RNASE4: variants seen among roughly 807,000 people sequenced by gnomAD.
The protein encoded by RNASE4 is ribonuclease 4.
For missense variants in RNASE4, 194 were observed against 192.8 expected, an observed-to-expected ratio of 1.01 and a Z score of -0.04; for synonymous variants, 93 against 71.4, an observed-to-expected ratio of 1.30 and a Z score of -1.52.
chr14:20,690,542 A>G, intron 1 of RNASE4, among the ~76,000 whole-genome samples: 1 of 152,210 alleles, frequency 6.6e-6, no homozygotes, highest in East Asian at 1.9e-4. Flanking sequence ...GTTTTGGTGT[A>G]CGCTTGCTGA....
chr14:20,699,759 C>G lies in RNASE4; in HGVS notation c.388C>G (p.Arg130Gly). 6.2e-7 allele frequency: 1 copy of G among 1,612,102 alleles called. No homozygotes were observed. Among genetic ancestry groups the G allele is most frequent in the South Asian group, 1.1e-5 (1 of 91,078 alleles). The change falls in exon 2 of 2, where the codon CGT becomes GGT. Residue 130 changes from arginine (R) to glycine (G), a missense_variant. Physicochemically the swap from Arg to Gly is moderately radical, Grantham distance 125. Transcript: ENST00000555835. ...CRYRAIASTR[R>G]VVIACEGNPQ... ...ATATCGGGCCATAGCGAGCACTAGA[C>G]GTGTTGTCATTGCCTGTGAGGGTAA... is the stretch of plus-strand genomic sequence containing the variant.
chr14:20,691,975 C>T (rs1329122803), intron 1 of RNASE4, among the ~76,000 whole-genome samples: 1 of 152,206 alleles, frequency 6.6e-6, no homozygotes, highest in Admixed American at 6.5e-5. Context: ...CTCAGACTCC[C>T]TTCTGTGAAC....
At chr14:20,692,985 C>T (rs1277400685) in intron 1 of RNASE4, among the ~76,000 whole-genome samples, 2 of 151,464 alleles carry the variant, frequency 1.3e-5, no homozygotes, top group South Asian at 2.1e-4. Context: ...GTAGCTGGGA[C>T]TACAGGCGCC....
intron 1 of RNASE4, among the ~76,000 whole-genome samples, chr14:20,698,115 A>C (rs746199358): frequency 4.6e-5 from 7 of 152,160 alleles, no homozygotes; most frequent in Non-Finnish European, 1.0e-4. Flanking sequence ...TCCTTTCTTT[A>C]ATCTGTCAAT....
intron 1 of RNASE4, among the ~76,000 whole-genome samples, chr14:20,695,584 T>A (rs1887064921): frequency 6.6e-6 from 1 of 152,240 alleles, no homozygotes; most frequent in South Asian, 2.1e-4. Flanking sequence ...CTTGGATATT[T>A]TATTTAGAAA....
intron 1 of RNASE4, among the ~76,000 whole-genome samples, chr14:20,686,460 T>C (rs1033107994): frequency 6.6e-6 from 1 of 152,248 alleles, no homozygotes; most frequent in Non-Finnish European, 1.5e-5. Flanking sequence ...TGAAGGTCAG[T>C]GAAACCTTTC....
intron 1 of RNASE4, among the ~76,000 whole-genome samples, chr14:20,693,137 G>A (rs1294050749): frequency 3.9e-5 from 6 of 152,202 alleles, no homozygotes; most frequent in South Asian, 2.1e-4. Context: ...GTGAGCCACC[G>A]CGCCCGGCCG....
Position 20,690,243 on chromosome 14 carries a change from A to G in RNASE4, c.-18+5485A>G, listed in dbSNP as rs867611364. ...TCTCAAAAAAAAAAAAAAAAAAAAA[A>G]AAAAAGAAAAGAAAAGAAAAAAAGG... On this transcript the variant is annotated intron_variant, in intron 1 of 1. Transcript: ENST00000555835. Among the ~76,000 whole-genome samples, 400 of 150,154 alleles carry G rather than the reference A, an allele frequency of 2.7e-3. 3 individuals are homozygous for G. The highest frequency in any genetic ancestry group is 9.5e-3 in the African/African-American group (389 of 40,938).
At chr14:20,690,689 A>G (rs1166645455) in intron 1 of RNASE4, among the ~76,000 whole-genome samples, 1 of 152,210 alleles carries the variant, frequency 6.6e-6, no homozygotes. Context: ...TTTAATGAGA[A>G]CCATGAAACT....
At chr14:20,689,652 C>T (rs2139007380) in intron 1 of RNASE4, among the ~76,000 whole-genome samples, 1 of 152,308 alleles carries the variant, frequency 6.6e-6, no homozygotes, top group East Asian at 1.9e-4. Flanking sequence ...TGTGGTGGCT[C>T]ACACCTGTAA....
Position 20,699,825 on chromosome 14 carries a change from T to A in RNASE4, c.*10T>A. On this transcript the variant is annotated 3_prime_UTR_variant, in exon 2 of 2. Transcript: ENST00000555835. Reference sequence around the variant, plus strand: ...GCACTTTGACGGTTAGATGCCACCATGTAGGGATTATCGCGAGTGGTTGAC... The same window carrying A: ...GCACTTTGACGGTTAGATGCCACCAAGTAGGGATTATCGCGAGTGGTTGAC... 1 of 1,610,664 alleles carries A rather than the reference T, an allele frequency of 6.2e-7. No individual in the cohort carries two copies. The highest frequency in any genetic ancestry group is 8.5e-7 in the Non-Finnish European group (1 of 1,178,134).
chr14:20,693,716 A>C, intron 1 of RNASE4: 1 of 1,614,246 alleles, frequency 6.2e-7, no homozygotes, highest in Middle Eastern at 1.6e-4. Context: ...AGATACTGTG[A>C]AAGCATCATG....
chr14:20,689,411 T>C (rs1372025802), intron 1 of RNASE4, among the ~76,000 whole-genome samples: 1 of 152,226 alleles, frequency 6.6e-6, no homozygotes, highest in Non-Finnish European at 1.5e-5. Flanking sequence ...GCTCTTACTT[T>C]GGGGGATTTT....
chr14:20,695,637 C>G (rs918979252), intron 1 of RNASE4, among the ~76,000 whole-genome samples: 5 of 152,212 alleles, frequency 3.3e-5, no homozygotes, highest in South Asian at 2.1e-4. Context: ...GTTTCACTGC[C>G]TTGTGAACAC....
intron 1 of RNASE4, chr14:20,693,464 T>G: frequency 6.4e-7 from 1 of 1,559,028 alleles, no homozygotes; most frequent in African/African-American, 1.3e-5. Flanking sequence ...TGATGCCGTG[T>G]CAGAGAGCAA....
intron 1 of RNASE4, chr14:20,693,579 G>A: frequency 6.2e-7 from 1 of 1,612,864 alleles, no homozygotes; most frequent in Non-Finnish European, 8.5e-7. Flanking sequence ...TGATGGGCCT[G>A]GGCGTTTTGT....
At chr14:20,698,805 A>G (rs1032899133) in intron 1 of RNASE4, 1 of 152,254 alleles carries the variant, frequency 6.6e-6, no homozygotes, top group African/African-American at 2.4e-5. Context: ...AAAGAAAAAC[A>G]ATAGTCATGT....
At chr14:20,696,186 T>C (rs943321453) in intron 1 of RNASE4, among the ~76,000 whole-genome samples, 2 of 152,178 alleles carry the variant, frequency 1.3e-5, no homozygotes, top group African/African-American at 4.8e-5. Flanking sequence ...TCCAAACATC[T>C]GCTTGGAGCA....
intron 1 of RNASE4, chr14:20,699,105 T>G: frequency 2.4e-6 from 1 of 419,540 alleles, no homozygotes; most frequent in East Asian, 4.2e-5. Context: ...CCCTGTGTCA[T>G]TGTACTGGCC....
Sources: gnomAD v4.1 joint callset for allele counts (sites outside exome capture counted in the v4.1 genomes callset) on GRCh38, gnomAD v4.1.1 for gene constraint, MANE v1.5 for transcripts, NCBI Gene and HGNC (gene_info 2026-07-23, HGNC 2026-07-21) for gene names.